Variants in EYA4 observed in about 807,000 individuals in gnomAD.
The protein encoded by EYA4 is protein phosphatase EYA4.
Under a neutral mutation model 87.9 loss-of-function variants are expected in EYA4, and 31 were observed. The ratio of observed to expected loss-of-function variants is 0.35; its 90% CI spans 0.27 to 0.48. EYA4 has a LOEUF of 0.48. Ranked by LOEUF, EYA4 falls within the 20% of genes least tolerant of loss-of-function variation. The pLI, the probability that EYA4 is intolerant of heterozygous loss-of-function variation, is 0.99. For missense variants in EYA4, 678 were observed against 761.4 expected (o/e 0.89, Z 1.29); for synonymous variants, 263 against 270.6 (o/e 0.97, Z 0.28).
At chr6:133,366,658 G>C (rs1266714665) in intron 2 of EYA4, among the ~76,000 whole-genome samples, 2 of 152,198 alleles carry the variant, frequency 1.3e-5, no homozygotes, top group Non-Finnish European at 2.9e-5. Context: ...TTTCTACGTG[G>C]TATTTGTTAT....
intron 18 of EYA4, among the ~76,000 whole-genome samples, chr6:133,523,675 A>T (rs1800382914): frequency 6.6e-6 from 1 of 152,192 alleles, no homozygotes; most frequent in Non-Finnish European, 1.5e-5. Context: ...ATTTCCAAAA[A>T]TGTGCAGTAG....
intron 11 of EYA4, among the ~76,000 whole-genome samples, chr6:133,475,585 A>G (rs1795650992): frequency 6.6e-6 from 1 of 152,110 alleles, no homozygotes; most frequent in Admixed American, 6.6e-5. Context: ...AAGGAAGGGA[A>G]GTAAAGTGCT....
intron 3 of EYA4, among the ~76,000 whole-genome samples, chr6:133,438,370 C>T (rs1043262143): frequency 1.7e-4 from 25 of 149,362 alleles, no homozygotes; most frequent in Non-Finnish European, 1.0e-4. Flanking sequence ...TGTGCTTCAT[C>T]CTTTTATTCC....
intron 1 of EYA4, among the ~76,000 whole-genome samples, chr6:133,263,960 C>CT (rs1183812175): frequency 2.6e-5 from 4 of 152,204 alleles, no homozygotes; most frequent in African/African-American, 9.6e-5. Context: ...ATTTTTAAAT[C>CT]TTTTCCCAAG....
At chr6:133,372,302 A>G (rs1428195550) in intron 2 of EYA4, among the ~76,000 whole-genome samples, 1 of 152,042 alleles carries the variant, frequency 6.6e-6, no homozygotes, top group Non-Finnish European at 1.5e-5. Context: ...TAATTTGACA[A>G]TTTGAGTATT....
At chr6:133,269,528 A>T (rs1441391505) in intron 1 of EYA4, among the ~76,000 whole-genome samples, 1 of 152,172 alleles carries the variant, frequency 6.6e-6, no homozygotes, top group East Asian at 1.9e-4. Context: ...TTATATATGC[A>T]TAAAACTTTT....
chr6:133,243,404 C>A (rs1774135692), intron 1 of EYA4, among the ~76,000 whole-genome samples: 1 of 152,100 alleles, frequency 6.6e-6, no homozygotes, highest in African/African-American at 2.4e-5. Context: ...ACTTTGTGAA[C>A]CCTCGGGTGT....
intron 1 of EYA4, among the ~76,000 whole-genome samples, chr6:133,252,606 G>C (rs1463179636): frequency 6.6e-6 from 1 of 152,034 alleles, no homozygotes; most frequent in Non-Finnish European, 1.5e-5. Context: ...AAAATCACTT[G>C]AACAAAATGG....
chr6:133,312,212 C>T (rs1343867), intron 2 of EYA4, among the ~76,000 whole-genome samples: 61,448 of 151,766 alleles, frequency 0.4, 14,357 homozygotes, highest in African/African-American at 0.64. Context: ...GGAGCATTGG[C>T]GGTTACCTGC....
chr6:133,490,816 A>C (rs1442945550), intron 13 of EYA4, among the ~76,000 whole-genome samples: 2 of 152,178 alleles, frequency 1.3e-5, no homozygotes, highest in Non-Finnish European at 2.9e-5. Flanking sequence ...CACAATCAAC[A>C]AAGAAACACT....
At chr6:133,330,377 A>G (rs1781830426) in intron 2 of EYA4, among the ~76,000 whole-genome samples, 1 of 151,982 alleles carries the variant, frequency 6.6e-6, no homozygotes, top group Non-Finnish European at 1.5e-5. Flanking sequence ...ATTATAAATT[A>G]CCCCCTCTGC....
intron 3 of EYA4, among the ~76,000 whole-genome samples, chr6:133,383,545 A>AAAAAG (rs1312860441): frequency 2.0e-5 from 3 of 149,506 alleles, no homozygotes; most frequent in African/African-American, 4.9e-5. Flanking sequence ...AAAAAAAAAA[A>AAAAAG]TGTAATGGCC....
chr6:133,456,719 G>A, intron 6 of EYA4, 71 bp downstream of exon 6: 2 of 895,546 alleles, frequency 2.2e-6, no homozygotes, highest in South Asian at 2.7e-5. Context: ...TCGGGAATAA[G>A]CAACATAAGC....
At chr6:133,394,250 A>G (rs1453081728) in intron 3 of EYA4, among the ~76,000 whole-genome samples, 1 of 149,876 alleles carries the variant, frequency 6.7e-6, no homozygotes, top group African/African-American at 2.5e-5. Flanking sequence ...TCTCCAACAT[A>G]AGAATAGTTG....
At chr6:133,294,041 AT>A (rs1778727493) in intron 2 of EYA4, among the ~76,000 whole-genome samples, 6 of 87,400 alleles carry the variant, frequency 6.9e-5, no homozygotes, top group South Asian at 3.6e-4. Flanking sequence ...ATATATATAT[AT>A]ATATATATAT....
intron 2 of EYA4, among the ~76,000 whole-genome samples, chr6:133,278,859 G>A (rs1022430598): frequency 5.3e-5 from 8 of 152,096 alleles, no homozygotes; most frequent in African/African-American, 1.9e-4. Flanking sequence ...ATTGGTTTAA[G>A]TTATAGCCAG....
chr6:133,284,034 A>T (rs1777836558), intron 2 of EYA4, among the ~76,000 whole-genome samples: 1 of 152,212 alleles, frequency 6.6e-6, no homozygotes, highest in South Asian at 2.1e-4. Context: ...TAAACACGTG[A>T]ACTCACCTGC....
At chr6:133,389,867 A>T (rs1226893096) in intron 3 of EYA4, among the ~76,000 whole-genome samples, 1 of 152,004 alleles carries the variant, frequency 6.6e-6, no homozygotes, top group East Asian at 1.9e-4. Context: ...GAATCTCTTT[A>T]TCCTGCCTCA....
intron 2 of EYA4, among the ~76,000 whole-genome samples, chr6:133,356,785 GTGTGTGTA>G (rs773656178): frequency 2.9e-3 from 273 of 94,114 alleles, no homozygotes; most frequent in African/African-American, 7.8e-3. Flanking sequence ...GTGTGTGTGT[GTGTGTGTA>G]TATATATATT....
Sources: allele counts gnomAD v4.1 joint callset (sites outside exome capture counted in the v4.1 genomes callset), GRCh38; gene constraint gnomAD v4.1.1; transcripts MANE v1.5; gene names NCBI Gene and HGNC (gene_info 2026-07-23, HGNC 2026-07-21).